Variants in METTL24 observed in about 807,000 individuals in gnomAD.
The protein encoded by METTL24 is probable methyltransferase-like protein 24.
In METTL24, 29 loss-of-function variants were observed where a neutral mutation model predicts 32.7. The ratio of observed to expected loss-of-function variants is 0.89; its 90% CI spans 0.66 to 1.21. The LOEUF is 1.21. METTL24 is among the 50% of genes most tolerant of loss of function. The pLI is 0.00. For missense variants in METTL24, 439 were observed against 468.1 expected (o/e 0.94, Z 0.57); for synonymous variants, 163 against 179.5 (o/e 0.91, Z 0.73).
intron 1 of METTL24, among the ~76,000 whole-genome samples, chr6:110,351,537 G>A (rs1179054224): frequency 6.6e-6 from 1 of 152,200 alleles, no homozygotes; most frequent in Non-Finnish European, 1.5e-5. Flanking sequence ...AGGTGCTCAA[G>A]TCCAAGGGTT....
At chr6:110,344,150 T>C (rs912603199) in intron 1 of METTL24, among the ~76,000 whole-genome samples, 1 of 152,134 alleles carries the variant, frequency 6.6e-6, no homozygotes, top group African/African-American at 2.4e-5. Flanking sequence ...AAATCCAAGA[T>C]TTACCCCTTC....
intron 3 of METTL24, among the ~76,000 whole-genome samples, chr6:110,300,620 C>T (rs1771502475): frequency 6.6e-6 from 1 of 151,784 alleles, no homozygotes; most frequent in South Asian, 2.1e-4. Flanking sequence ...GGGGTTTCAC[C>T]ATGTTGCCCA....
intron 1 of METTL24, among the ~76,000 whole-genome samples, chr6:110,355,536 C>T (rs1772683829): frequency 6.6e-6 from 1 of 152,128 alleles, no homozygotes; most frequent in South Asian, 2.1e-4. Flanking sequence ...TCTTTGTTAG[C>T]CACACTCACT....
At chr6:110,337,983 C>T (rs1343518091) in intron 1 of METTL24, among the ~76,000 whole-genome samples, 2 of 152,150 alleles carry the variant, frequency 1.3e-5, no homozygotes, top group South Asian at 2.1e-4. Context: ...ATGTGTTTTG[C>T]TGCTTTTACA....
In METTL24 at chr6:110,322,852, A is replaced by G; in HGVS notation, c.339T>C (p.Asp113=). ...PRRKGPRWHI[D]LQPWAGSAQS... is the part of the protein sequence containing the mutation. ...GAGCAGAGCCTGCCCAAGGCTGGAG[A>G]TCTATATGCCACCGGGGACCCTGCA... Residue 113 remains aspartate, a synonymous_variant, in exon 2 of 5, where the codon GAT becomes GAC. Coordinates refer to ENST00000338882, the MANE Select transcript of METTL24 (RefSeq NM_001123364.3). The G allele has an allele frequency of 6.2e-7, 1 of 1,613,846 alleles. No homozygotes were observed. The highest frequency in any genetic ancestry group is 1.3e-5 in the African/African-American group (1 of 75,012).
At chr6:110,288,701 G>GATGAACATCTCCATGA (rs1364751394) in intron 4 of METTL24, among the ~76,000 whole-genome samples, 2 of 152,138 alleles carry the variant, frequency 1.3e-5, no homozygotes, top group African/African-American at 4.8e-5. Flanking sequence ...TCAAAACCAA[G>GATGAACATCTCCATGA]ATGAACATCT....
intron 1 of METTL24, among the ~76,000 whole-genome samples, chr6:110,341,367 A>G (rs2057154): frequency 0.28 from 43,337 of 152,100 alleles, 6,227 homozygotes; most frequent in South Asian, 0.34. Context: ...AAGCATTTCA[A>G]TTTCAAAACT....
At chr6:110,295,794 A>AAGGAAGGAAGGAAGGAAGGAAGG (rs1771403129) in intron 4 of METTL24, among the ~76,000 whole-genome samples, 24 of 136,322 alleles carry the variant, frequency 1.8e-4, no homozygotes, top group African/African-American at 5.4e-4. Flanking sequence ...AGAAAGAAAG[A>AAGGAAGGAAGGAAGGAAGGAAGG]AAGGAAGGAA....
At chr6:110,323,722 G>C (rs1412501962) in intron 1 of METTL24, among the ~76,000 whole-genome samples, 1 of 152,042 alleles carries the variant, frequency 6.6e-6, no homozygotes, top group African/African-American at 2.4e-5. Context: ...ATTCCCAGGG[G>C]TGGGGACGGC....
intron 1 of METTL24, among the ~76,000 whole-genome samples, chr6:110,334,893 G>A (rs1023821603): frequency 6.6e-6 from 1 of 152,146 alleles, no homozygotes; most frequent in Non-Finnish European, 1.5e-5. Context: ...TAACGCTCTG[G>A]TTCCAGGACA....
chr6:110,342,271 C>T (rs538346860), intron 1 of METTL24, among the ~76,000 whole-genome samples: 14 of 152,174 alleles, frequency 9.2e-5, no homozygotes, highest in African/African-American at 2.2e-4. Context: ...TTCTGCAATG[C>T]GTCTGCCATG....
chr6:110,303,875 C>T (rs1292123590), intron 3 of METTL24, among the ~76,000 whole-genome samples: 3 of 152,214 alleles, frequency 2.0e-5, no homozygotes, highest in African/African-American at 4.8e-5. Flanking sequence ...GACGGGGAGA[C>T]ACCTCCCAGC....
intron 4 of METTL24, among the ~76,000 whole-genome samples, chr6:110,274,077 C>T (rs1275646864): frequency 6.6e-6 from 1 of 152,094 alleles, no homozygotes; most frequent in Non-Finnish European, 1.5e-5. Context: ...TTCACAGCAA[C>T]CTGGATGGAG....
At chr6:110,329,568 G>C (rs1184319282) in intron 1 of METTL24, among the ~76,000 whole-genome samples, 1 of 152,114 alleles carries the variant, frequency 6.6e-6, no homozygotes, top group Admixed American at 6.5e-5. Context: ...CATGACTCTA[G>C]CCCTGGCTGA....
At chr6:110,286,783 A>C (rs1771229346) in intron 4 of METTL24, among the ~76,000 whole-genome samples, 1 of 152,200 alleles carries the variant, frequency 6.6e-6, no homozygotes, top group Admixed American at 6.5e-5. Context: ...ACCCACCCTT[A>C]ATCCGAGTGG....
intron 2 of METTL24, among the ~76,000 whole-genome samples, chr6:110,319,438 T>C (rs988179090): frequency 3.8e-4 from 57 of 151,798 alleles, no homozygotes; most frequent in Admixed American, 3.7e-3. Flanking sequence ...GATAGATAGA[T>C]AGATAGATAG....
intron 1 of METTL24, among the ~76,000 whole-genome samples, chr6:110,346,408 A>G (rs1235709695): frequency 6.6e-6 from 1 of 152,188 alleles, no homozygotes; most frequent in Non-Finnish European, 1.5e-5. Flanking sequence ...TGGAGAAAAC[A>G]GGAGACTATA....
chr6:110,269,591 A>G (rs956618207), intron 4 of METTL24, among the ~76,000 whole-genome samples: 1 of 152,196 alleles, frequency 6.6e-6, no homozygotes, highest in Non-Finnish European at 1.5e-5. Context: ...TTCCTGAAAA[A>G]ATATTGTGGT....
At chr6:110,296,216 A>G (rs1355358166) in intron 4 of METTL24, among the ~76,000 whole-genome samples, 1 of 152,356 alleles carries the variant, frequency 6.6e-6, no homozygotes, top group East Asian at 1.9e-4. Flanking sequence ...CATTGAGGAT[A>G]CTCTGAATGT....
Sources: gnomAD v4.1 joint callset for allele counts (sites outside exome capture counted in the v4.1 genomes callset) on GRCh38, gnomAD v4.1.1 for gene constraint, MANE v1.5 for transcripts, NCBI Gene and HGNC (gene_info 2026-07-23, HGNC 2026-07-21) for gene names.